The following CHD2 variants were observed in gnomAD, a reference collection of about 807,000 sequenced individuals.
CHD2 encodes the protein chromodomain helicase DNA binding protein 2.
In CHD2, 28 loss-of-function variants were observed where a neutral mutation model predicts 243.9. The ratio of observed to expected loss-of-function variants is 0.11; its 90% CI spans 0.09 to 0.16. The LOEUF is 0.16. Among genes scored for constraint, CHD2 ranks in the 10% least tolerant of loss-of-function variants. The probability of loss-of-function intolerance (pLI) is 1.00; values close to 1 mark genes in which losing one functional copy is unlikely to be tolerated. For missense variants in CHD2, 1,386 were observed against 2,209.8 expected (o/e 0.63, Z 7.47); for synonymous variants, 775 against 779.0 (o/e 0.99, Z 0.09).
At chr15:92,929,644 T>C (rs2053128542) in intron 5 of CHD2, among the ~76,000 whole-genome samples, 1 of 152,146 alleles carries the variant, frequency 6.6e-6, no homozygotes, top group East Asian at 1.9e-4. Context: ...TCGATTTATA[T>C]GATATGAAAT....
At chr15:92,931,939 T>C (rs558643786) in intron 5 of CHD2, among the ~76,000 whole-genome samples, 181 of 150,948 alleles carry the variant, frequency 1.2e-3, no homozygotes, top group African/African-American at 4.2e-3. Context: ...CTCGGCTCAC[T>C]GCAGCCTCCG....
At position 93,024,547 on chromosome 15, in the gene CHD2, C is replaced by G. The variant is rs769085842; in HGVS notation, c.5329C>G (p.Leu1777Val). The part of the protein sequence containing the change: ...TDKLGEYKQP[L>V]PPLHPAVSDP... Reference sequence around the variant, plus strand: ...TAAACTGGGGGAATATAAACAGCCTCTACCCCCATTGCACCCTGCAGTCTC... The same window carrying G: ...TAAACTGGGGGAATATAAACAGCCTGTACCCCCATTGCACCCTGCAGTCTC... Residue 1777 changes from leucine to valine, a missense_variant, in exon 39 of 39, where the codon CTA becomes GTA. Physicochemically the swap from Leu to Val is conservative, Grantham distance 32. Coordinates refer to ENST00000394196, the MANE Select transcript of CHD2 (RefSeq NM_001271.4). 3 of 1,614,234 alleles carry G rather than the reference C, an allele frequency of 1.9e-6. No homozygotes were observed. Among genetic ancestry groups the G allele is most frequent in the South Asian group, 2.2e-5 (2 of 91,088 alleles).
chr15:93,021,444 T>C (rs1341608280), intron 38 of CHD2: 1 of 152,266 alleles, frequency 6.6e-6, no homozygotes, highest in Non-Finnish European at 1.5e-5. Flanking sequence ...CTTCTTCAAA[T>C]ATTTTTTCTG....
chr15:92,992,755 G>A, intron 27 of CHD2, 104 bp from the exon 28 acceptor site: 1 of 1,421,790 alleles, frequency 7.0e-7, no homozygotes, highest in East Asian at 2.3e-5. Context: ...GCAAAGAAAA[G>A]TGTCTTTGCA....
At chr15:92,921,472 AACATC>A (rs1555437127) in intron 2 of CHD2, 1 of 152,182 alleles carries the variant, frequency 6.6e-6, no homozygotes, top group Non-Finnish European at 1.5e-5. Context: ...TGCCTTGCCT[AACATC>A]CCTTTCAAGT....
chr15:92,972,997 A>T (rs2053862420), intron 19 of CHD2, among the ~76,000 whole-genome samples: 1 of 152,126 alleles, frequency 6.6e-6, no homozygotes, highest in African/African-American at 2.4e-5. Flanking sequence ...ACGGGGCAAG[A>T]TAAAAAAAGG....
In CHD2 at chr15:92,981,349, G is replaced by C. The variant is rs990532473; in HGVS notation, c.2974-16G>C. On this transcript the variant is annotated splice_polypyrimidine_tract_variant and intron_variant, in intron 23 of 38. Coordinates refer to ENST00000394196, the MANE Select transcript of CHD2 (RefSeq NM_001271.4). ...TTGCCATTTTATTCTATTCGTGTTGGCTTTTGTTCTTTTAGGAAATGGATA... is the reference window on the plus strand; with the variant it reads ...TTGCCATTTTATTCTATTCGTGTTGCCTTTTGTTCTTTTAGGAAATGGATA... The C allele has an allele frequency of 1.4e-5, 23 of 1,599,296 alleles. No homozygotes were observed. Among genetic ancestry groups the C allele is most frequent in the African/African-American group, 5.4e-5 (4 of 74,672 alleles).
At chr15:92,976,061 A>G (rs959317205) in intron 20 of CHD2, among the ~76,000 whole-genome samples, 2 of 152,224 alleles carry the variant, frequency 1.3e-5, no homozygotes, top group African/African-American at 4.8e-5. Flanking sequence ...CACATTGCCC[A>G]GTGCATAGTA....
At chr15:93,004,026 A>C (rs1303497292) in intron 33 of CHD2, among the ~76,000 whole-genome samples, 1 of 151,386 alleles carries the variant, frequency 6.6e-6, no homozygotes, top group Non-Finnish European at 1.5e-5. Context: ...TGGGAGGCTG[A>C]GGCAGAAGAA....
chr15:92,936,239 C>T (rs1446873339), intron 5 of CHD2, among the ~76,000 whole-genome samples: 1 of 152,206 alleles, frequency 6.6e-6, no homozygotes, highest in African/African-American at 2.4e-5. Flanking sequence ...AATAAGCTTT[C>T]ACCATTACTT....
rs146691368 is a variant in CHD2, at chr15:92,972,337, C to T, written c.2425C>T (p.Arg809Ter). 6.2e-7 allele frequency: 1 copy of T among 1,612,768 alleles called. No homozygotes were observed. The highest frequency in any genetic ancestry group is 8.5e-7 in the Non-Finnish European group (1 of 1,179,278). Residue 809 changes from arginine to a stop codon, truncating the protein, a stop_gained, in exon 19 of 39, where the codon CGA becomes TGA. Coordinates refer to ENST00000394196, the MANE Select transcript of CHD2 (RefSeq NM_001271.4). LOFTEE classifies it high-confidence loss of function. ...LLTRLRERGN[R>*]VLIFSQMVRM... Reference sequence around the variant, plus strand: ...GACAAGACTTCGAGAAAGGGGGAATCGAGTGCTTATCTTCTCTCAGATGGT... The same window carrying T: ...GACAAGACTTCGAGAAAGGGGGAATTGAGTGCTTATCTTCTCTCAGATGGT...
intron 36 of CHD2, 68 bp from the exon 37 acceptor site, chr15:93,014,628 G>T: frequency 7.1e-7 from 1 of 1,407,472 alleles, no homozygotes; most frequent in Non-Finnish European, 9.9e-7. Context: ...AGAGGTGATA[G>T]CCTTTATTCT....
chr15:92,904,257 A>G (rs1191508513), intron 2 of CHD2: 1 of 157,748 alleles, frequency 6.3e-6, no homozygotes, highest in Non-Finnish European at 1.4e-5. Context: ...TGTACTCGCC[A>G]AACAGCAGGA....
At chr15:92,907,087 C>T (rs2052637425) in intron 2 of CHD2, among the ~76,000 whole-genome samples, 1 of 152,074 alleles carries the variant, frequency 6.6e-6, no homozygotes, top group African/African-American at 2.4e-5. Flanking sequence ...TCTTATGACC[C>T]TTTTCTGTAA....
At chr15:92,979,416 G>GGATA in intron 22 of CHD2, 133 bp downstream of exon 22, 1 of 1,089,318 alleles carries the variant, frequency 9.2e-7, no homozygotes, top group Non-Finnish European at 1.3e-6. Flanking sequence ...ACCACAAATA[G>GGATA]GATAGCATTT....
In CHD2 at chr15:93,004,821, G is replaced by A. The variant is rs1596452192; in HGVS notation, c.4413+70G>A. On this transcript the variant is annotated intron_variant, in intron 34 of 38. Transcript: ENST00000394196. The stretch of plus-strand genomic sequence containing the variant: ...CTTGCTGTGGCTCTGCCTTTTATAG[G>A]TCCAGCCAGAGCTTCAGTTGAGCTA... 4.0e-6 allele frequency: 6 copies of A among 1,516,786 alleles called. No individual in the cohort carries two copies. In the East Asian group the frequency reaches 1.4e-4, roughly 35 times the overall value. The allele number at this position is 1,516,786 out of a possible 1,614,324, so 94.0% of individuals were successfully genotyped here. A position where few individuals can be genotyped will look rare whatever the true frequency, so the allele number is the denominator to read the frequency against.
intron 36 of CHD2, among the ~76,000 whole-genome samples, chr15:93,014,289 C>T (rs905943237): frequency 1.1e-4 from 16 of 152,120 alleles, no homozygotes; most frequent in African/African-American, 3.6e-4. Flanking sequence ...AGCTTGATGA[C>T]TTGGGCATAG....
chr15:92,937,982 AAAT>A (rs1403165792), intron 6 of CHD2, among the ~76,000 whole-genome samples: 3 of 152,202 alleles, frequency 2.0e-5, no homozygotes, highest in Non-Finnish European at 4.4e-5. Context: ...AACATTAAAC[AAAT>A]AATCTGATTG....
chr15:92,935,176 C>CGG (rs1567131940), intron 5 of CHD2, among the ~76,000 whole-genome samples: 1 of 151,938 alleles, frequency 6.6e-6, no homozygotes, highest in Non-Finnish European at 1.5e-5. Flanking sequence ...GCTGGGACTA[C>CGG]GGGCGCCCGC....
Sources: gnomAD v4.1 joint callset for allele counts (sites outside exome capture counted in the v4.1 genomes callset) on GRCh38, gnomAD v4.1.1 for gene constraint, MANE v1.5 for transcripts, NCBI Gene and HGNC (gene_info 2026-07-23, HGNC 2026-07-21) for gene names.